The following PRKD2 variants were observed in gnomAD, a reference collection of about 807,000 sequenced individuals.
PRKD2 encodes protein kinase D2, also known as serine/threonine-protein kinase D2.
PRKD2 carries 22 observed loss-of-function variants against 86.0 expected under a neutral mutation model. The observed-to-expected ratio is 0.26, with a 90% confidence interval of 0.18 to 0.37. The LOEUF is 0.37. Among genes scored for constraint, PRKD2 ranks in the 10% least tolerant of loss-of-function variants. PRKD2 has a pLI of 1.00. For missense variants in PRKD2, 818 were observed against 1,199.2 expected (o/e 0.68, Z 4.70); for synonymous variants, 509 against 510.9 (o/e 1.00, Z 0.05).
At chr19:46,674,877 T>C (rs1385047009) in intron 17 of PRKD2, 142 bp from the exon 18 acceptor site, 2 of 1,158,320 alleles carry the variant, frequency 1.7e-6, no homozygotes, top group South Asian at 1.5e-5. Flanking sequence ...GACATTTAGC[T>C]CCACCCCCTC....
intron 14 of PRKD2, among the ~76,000 whole-genome samples, chr19:46,682,248 T>C (rs7257145): frequency 0.78 from 117,985 of 151,886 alleles, 46,385 homozygotes; most frequent in African/African-American, 0.91. Context: ...CCTCGTGATT[T>C]CCCCACCTCG....
intron 2 of PRKD2, 41 bp from the exon 3 acceptor site, chr19:46,711,079 G>A: frequency 6.5e-7 from 1 of 1,541,798 alleles, no homozygotes. Context: ...AGGCGGGGTA[G>A]GCCAAAGCTT....
chr19:46,713,267 TCCTCCCACCTCAG>T, intron 2 of PRKD2, among the ~76,000 whole-genome samples: 1 of 148,558 alleles, frequency 6.7e-6, no homozygotes, highest in Non-Finnish European at 1.5e-5. Context: ...GCTCCAGCGA[TCCTCCCACCTCAG>T]CCTCCCAAAC....
rs2053245498 is a variant in PRKD2, at chr19:46,678,434, A to C, written c.2300T>G (p.Met767Arg). 1 of 1,613,978 alleles carries C rather than the reference A, an allele frequency of 6.2e-7. No homozygotes were observed. Among genetic ancestry groups the C allele is most frequent in the African/African-American group, 1.3e-5 (1 of 74,888 alleles). Residue 767 changes from methionine (M) to arginine (R), a missense_variant, in exon 16 of 18, where the codon ATG (methionine) becomes AGG (arginine). By Grantham distance (91) the Met-to-Arg change is moderately conservative. Transcript: ENST00000291281. The surrounding 1 kb of genome is among the most constrained non-coding windows in gnomAD (Gnocchi z 5.7). Reference sequence around the variant, plus strand: ...GTGGCTCCAGGGGCTGGCCGGGTACATGAAGGCGGCGTTCTGGATCTGGTC... The same window carrying C: ...GTGGCTCCAGGGGCTGGCCGGGTACCTGAAGGCGGCGTTCTGGATCTGGTC... ...INDQIQNAAF[M>R]YPASPWSHIS...
chr19:46,697,924 C>A (rs984712467), intron 7 of PRKD2, 74 bp from the exon 8 acceptor site: 2 of 1,165,680 alleles, frequency 1.7e-6, no homozygotes, highest in African/African-American at 1.5e-5. Flanking sequence ...CAGGGGGCAT[C>A]TCTGGGAAAC....
At chr19:46,676,617 C>A (rs781421910) in intron 16 of PRKD2, among the ~76,000 whole-genome samples, 1 of 152,210 alleles carries the variant, frequency 6.6e-6, no homozygotes, top group East Asian at 1.9e-4. Context: ...ACTGTATGAA[C>A]CCATCCGAGG....
In PRKD2 at chr19:46,678,411, G is replaced by A; in HGVS notation, c.2323C>T (p.His775Tyr). The A allele has an allele frequency of 1.2e-6, 2 of 1,614,054 alleles. No individual in the cohort carries two copies. Among genetic ancestry groups the A allele is most frequent in the Non-Finnish European group, 1.7e-6 (2 of 1,179,998 alleles). ...AFMYPASPWS[H>Y]ISAGAIDLIN... The stretch of plus-strand genomic sequence containing the variant: ...CCCCAGGCACCTCCAGCTGAGATGT[G>A]GCTCCAGGGGCTGGCCGGGTACATG... Residue 775 changes from histidine (H) to tyrosine (Y), a missense_variant, in exon 16 of 18, where the codon CAC becomes TAC. By Grantham distance (83) the His-to-Tyr change is moderately conservative. Transcript: ENST00000291281. The surrounding 1 kb of genome is among the most constrained non-coding windows in gnomAD (Gnocchi z 5.7).
chr19:46,681,545 T>A, intron 15 of PRKD2, 105 bp downstream of exon 15: 1 of 799,218 alleles, frequency 1.3e-6, no homozygotes, highest in South Asian at 1.7e-5. Flanking sequence ...CAAGAGCCAC[T>A]GTGCCTCGCC....
chr19:46,703,640 C>T (rs1367477112), intron 5 of PRKD2, among the ~76,000 whole-genome samples: 2 of 151,930 alleles, frequency 1.3e-5, no homozygotes, highest in South Asian at 2.1e-4. Context: ...GGCATGGTGG[C>T]GGGCGCCTGT....
intron 2 of PRKD2, among the ~76,000 whole-genome samples, chr19:46,711,517 A>G (rs896942746): frequency 3.3e-5 from 5 of 151,744 alleles, no homozygotes; most frequent in African/African-American, 9.7e-5. Context: ...CTCAGCCTCC[A>G]GAGTAGCTGG....
chr19:46,681,560 C>A (rs554005189), intron 15 of PRKD2, 90 bp downstream of exon 15: 276 of 960,964 alleles, frequency 2.9e-4, no homozygotes, highest in Non-Finnish European at 5.7e-5. Flanking sequence ...CTCGCCCCCA[C>A]ATCTTGATTA....
intron 7 of PRKD2, among the ~76,000 whole-genome samples, chr19:46,699,694 T>TA (rs1217316831): frequency 6.6e-6 from 1 of 152,164 alleles, no homozygotes; most frequent in East Asian, 1.9e-4. Flanking sequence ...AGTCCTGTCC[T>TA]AGGCACCTGG....
rs915947583 is a variant in PRKD2 at position 46,693,508 on chromosome 19, G to A, written c.1576+367C>T. 2.0e-5 allele frequency among the ~76,000 whole-genome samples: 3 copies of A among 152,100 alleles called. No homozygotes were observed. The highest frequency in any genetic ancestry group is 7.2e-5 in the African/African-American group (3 of 41,416). On this transcript the variant is annotated intron_variant, in intron 10 of 17. Transcript: ENST00000291281. The surrounding 1 kb of genome is among the most constrained non-coding windows in gnomAD (Gnocchi z 4.5). The stretch of plus-strand genomic sequence containing the variant: ...GTCACCCAGACTGGAGTGCAGTGAT[G>A]CAATCATGACTCACTACTCCCAGGC...
chr19:46,680,977 GCT>G (rs1568714806), intron 15 of PRKD2, among the ~76,000 whole-genome samples: 1 of 56,620 alleles, frequency 1.8e-5, no homozygotes, highest in East Asian at 3.5e-4. Context: ...ACAGAGTCTC[GCT>G]CTCTCGCTCT....
At position 46,697,768 on chromosome 19, in the gene PRKD2, C is replaced by T; in HGVS notation, c.1204G>A (p.Gly402Ser). ...TRKSSTTLRE[G>S]WVVHYSNKDT... is the part of the protein sequence containing the mutation. The stretch of plus-strand genomic sequence containing the variant: ...TTGTTGCTGTAATGAACCACCCAAC[C>T]CTCCCGCAGCGTGGTGCTGGATTTC... The change falls in exon 8 of 18, where the codon GGT becomes AGT. Residue 402 changes from glycine to serine, a missense_variant. Coordinates refer to ENST00000291281, the MANE Select transcript of PRKD2 (RefSeq NM_016457.5). 6.2e-7 allele frequency: 1 copy of T among 1,614,102 alleles called. No homozygotes were observed. The highest frequency in any genetic ancestry group is 1.1e-5 in the South Asian group (1 of 91,088).
rs117538020 is a variant in PRKD2, at chr19:46,692,848, C to G, written c.1577-863G>C. The stretch of plus-strand genomic sequence containing the variant: ...ACTCTTTCCTTCATCCTAGACTTAG[C>G]TAAATCCTCCTCATCCTCAAGTGTA... On this transcript the variant is annotated intron_variant, in intron 10 of 17. Transcript: ENST00000291281. Among the ~76,000 whole-genome samples, 81 of 152,320 alleles carry G rather than the reference C, an allele frequency of 5.3e-4. No individual in the cohort carries two copies. In the East Asian group the frequency reaches 0.011, roughly 21 times the overall value.
At chr19:46,701,264 C>T in intron 5 of PRKD2, 152 bp from the exon 6 acceptor site, 1 of 833,536 alleles carries the variant, frequency 1.2e-6, no homozygotes. Context: ...CATTTTCCCA[C>T]TTTCAGCCAC....
At chr19:46,705,558 C>T (rs370774701) in intron 3 of PRKD2, among the ~76,000 whole-genome samples, 2 of 151,962 alleles carry the variant, frequency 1.3e-5, no homozygotes, top group Admixed American at 6.6e-5. Context: ...AGGCCAAGGC[C>T]GGCGGATCAC....
intron 5 of PRKD2, among the ~76,000 whole-genome samples, chr19:46,703,721 G>A (rs958635188): frequency 2.7e-4 from 41 of 149,930 alleles, no homozygotes; most frequent in Admixed American, 4.7e-4. Context: ...GCAGTGAGCC[G>A]AGATCACACC....
Sources: allele counts gnomAD v4.1 joint callset (sites outside exome capture counted in the v4.1 genomes callset), GRCh38; gene constraint gnomAD v4.1.1; non-coding constraint Gnocchi (gnomAD v3.1); transcripts MANE v1.5; gene names NCBI Gene and HGNC (gene_info 2026-07-23, HGNC 2026-07-21).